CLYBL: variants seen among roughly 807,000 people sequenced by gnomAD.
The protein encoded by CLYBL is citramalyl-CoA lyase, also known as citramalyl-CoA lyase, mitochondrial.
A neutral mutation model predicts 38.9 loss-of-function variants in CLYBL; 31 were observed. The ratio of observed to expected loss-of-function variants is 0.80; its 90% CI spans 0.60 to 1.08. CLYBL has a LOEUF of 1.08. Ranked by LOEUF, CLYBL falls within the 50% of genes least tolerant of loss-of-function variation. CLYBL has a pLI of 0.00. For synonymous variants in CLYBL, 171 were observed against 158.6 expected (o/e 1.08, Z -0.59); for missense variants, 434 against 411.6 (o/e 1.05, Z -0.47).
At chr13:99,607,659 A>G (rs2046549387) in intron 1 of CLYBL, among the ~76,000 whole-genome samples, 1 of 152,246 alleles carries the variant, frequency 6.6e-6, no homozygotes. Context: ...AGAAAGGTTA[A>G]GGATTCTCAA....
At chr13:99,717,267 A>T (rs1286065751) in intron 1 of CLYBL, among the ~76,000 whole-genome samples, 9 of 151,144 alleles carry the variant, frequency 6.0e-5, no homozygotes, top group Non-Finnish European at 5.9e-5. Context: ...CTCTACTAAA[A>T]ATTCAAAAAT....
chr13:99,747,499 G>C (rs2048874659), intron 1 of CLYBL, among the ~76,000 whole-genome samples: 1 of 152,070 alleles, frequency 6.6e-6, no homozygotes, highest in South Asian at 2.1e-4. Context: ...GCTGTGAGGT[G>C]GAGCCACTCC....
chr13:99,844,512 G>A (rs1484511479), intron 2 of CLYBL, among the ~76,000 whole-genome samples: 1 of 152,222 alleles, frequency 6.6e-6, no homozygotes, highest in East Asian at 1.9e-4. Flanking sequence ...GGTCCTCTCT[G>A]TTAGCTGCCT....
chr13:99,636,920 G>T (rs1204470665), intron 1 of CLYBL, among the ~76,000 whole-genome samples: 1 of 152,084 alleles, frequency 6.6e-6, no homozygotes, highest in African/African-American at 2.4e-5. Flanking sequence ...TCTCGCCCAG[G>T]TCGGAGTGCA....
intron 7 of CLYBL, among the ~76,000 whole-genome samples, chr13:99,878,568 C>T (rs553823364): frequency 6.6e-6 from 1 of 152,210 alleles, no homozygotes; most frequent in South Asian, 2.1e-4. Context: ...GTGATAGTAG[C>T]GGAACTCTAC....
At position 99,673,412 on chromosome 13, in the gene CLYBL, CA is replaced by C. The variant is rs34517548; in HGVS notation, c.62+66668del. ...TGGGCGACAGAGCGAGACTCCGTCTCAAAAAAAAAAAAAGAAATGGTGCGAC... is the reference window on the plus strand; with the variant it reads ...TGGGCGACAGAGCGAGACTCCGTCTCAAAAAAAAAAAAGAAATGGTGCGAC... On this transcript the variant is annotated intron_variant, in intron 1 of 8. Transcript: ENST00000339105. Among the ~76,000 whole-genome samples the C allele has an allele frequency of 7.3e-3, 1,035 of 142,624 alleles. 9 individuals carry two copies. The highest frequency in any genetic ancestry group is 0.018 in the Middle Eastern group (5 of 278). The allele number at this position is 142,624 out of a possible 152,430, so 93.6% of individuals were successfully genotyped here. A position where few individuals can be genotyped will look rare whatever the true frequency, so the allele number is the denominator to read the frequency against.
intron 1 of CLYBL, among the ~76,000 whole-genome samples, chr13:99,770,317 TTTTG>T (rs932048340): frequency 6.6e-5 from 10 of 151,678 alleles, no homozygotes; most frequent in African/African-American, 2.2e-4. Context: ...CGAACTCTTT[TTTTG>T]TTTGTTTGTT....
intron 2 of CLYBL, among the ~76,000 whole-genome samples, chr13:99,851,511 C>T (rs1042052212): frequency 2.6e-5 from 4 of 151,380 alleles, no homozygotes; most frequent in South Asian, 2.1e-4. Context: ...CATTTTTTAA[C>T]GGGCTAAGGA....
chr13:99,875,335 G>C (rs2052010091), intron 7 of CLYBL, among the ~76,000 whole-genome samples: 1 of 152,022 alleles, frequency 6.6e-6, no homozygotes, highest in African/African-American at 2.4e-5. Context: ...TCTTAATAAA[G>C]AAAGAAAAAG....
intron 8 of CLYBL, among the ~76,000 whole-genome samples, chr13:99,903,134 A>G (rs2052659380): frequency 6.6e-6 from 1 of 152,238 alleles, no homozygotes; most frequent in South Asian, 2.1e-4. Flanking sequence ...CCTCGATTTC[A>G]TAACAAGAAA....
At chr13:99,629,586 TG>T (rs1707530658) in intron 1 of CLYBL, among the ~76,000 whole-genome samples, 1 of 152,194 alleles carries the variant, frequency 6.6e-6, no homozygotes, top group African/African-American at 2.4e-5. Flanking sequence ...CTTGTCTCTT[TG>T]GCCACTAGGA....
At chr13:99,630,304 C>A (rs1402986646) in intron 1 of CLYBL, among the ~76,000 whole-genome samples, 1 of 152,130 alleles carries the variant, frequency 6.6e-6, no homozygotes, top group Non-Finnish European at 1.5e-5. Flanking sequence ...AAAAAAAATC[C>A]TCTTTTCTGT....
At chr13:99,887,694 A>C (rs1049214456) in intron 7 of CLYBL, among the ~76,000 whole-genome samples, 6 of 152,190 alleles carry the variant, frequency 3.9e-5, no homozygotes, top group Non-Finnish European at 7.3e-5. Flanking sequence ...TCGAGGCTGC[A>C]GTAAGCCGTG....
chr13:99,689,463 G>A lies in CLYBL; in HGVS notation c.62+82706G>A, dbSNP rs188722827. The stretch of plus-strand genomic sequence containing the variant: ...ATTACTTAGTGCAGGTATGCTTAAA[G>A]GAAGAAAAAGGCAAGAGAAAAGTGA... On this transcript the variant is annotated intron_variant, in intron 1 of 8. Coordinates refer to ENST00000339105, the MANE Select transcript of CLYBL (RefSeq NM_206808.5). 3.9e-5 allele frequency among the ~76,000 whole-genome samples: 6 copies of A among 152,260 alleles called. No homozygotes were observed. In the East Asian group the frequency reaches 9.7e-4, roughly 24 times the overall value.
chr13:99,703,133 T>C (rs967049356), intron 1 of CLYBL, among the ~76,000 whole-genome samples: 2 of 152,224 alleles, frequency 1.3e-5, no homozygotes, highest in African/African-American at 2.4e-5. Flanking sequence ...GTATTTATTC[T>C]TTTATGTTGT....
At chr13:99,752,083 G>T (rs1200630826) in intron 1 of CLYBL, among the ~76,000 whole-genome samples, 5 of 152,172 alleles carry the variant, frequency 3.3e-5, no homozygotes, top group African/African-American at 4.8e-5. Flanking sequence ...GGCGTAGACA[G>T]TGCAGAGGGC....
At position 99,606,746 on chromosome 13, in the gene CLYBL, G is replaced by T. The variant is rs751101074; in HGVS notation, c.51G>T (p.Ala17=). ...CGGCGCGCGGAGCTGCGGCGGCGGCGCTGCTGAGGCTGTGAGTGCAGGTCC... is the reference window on the plus strand; with the variant it reads ...CGGCGCGCGGAGCTGCGGCGGCGGCTCTGCTGAGGCTGTGAGTGCAGGTCC... ...RRAARGAAAA[A]LLRLKASLAA... The change falls in exon 1 of 9, where the codon GCG becomes GCT. Residue 17 remains alanine, a synonymous_variant. Coordinates refer to ENST00000339105, the MANE Select transcript of CLYBL (RefSeq NM_206808.5). 44 of 1,482,860 alleles carry T rather than the reference G, an allele frequency of 3.0e-5. No homozygotes were observed. The African/African-American group carries it at 5.3e-4, about 18-fold the overall frequency. 91.9% of individuals were successfully genotyped at this position (1,482,860 alleles called of 1,614,324 possible). A position where few individuals can be genotyped will look rare whatever the true frequency, so the allele number is the denominator to read the frequency against.
At chr13:99,734,271 G>T (rs1003613507) in intron 1 of CLYBL, among the ~76,000 whole-genome samples, 1 of 151,962 alleles carries the variant, frequency 6.6e-6, no homozygotes, top group Non-Finnish European at 1.5e-5. Context: ...GGGTTTCTGG[G>T]TTTTGTATTT....
At chr13:99,810,472 C>T (rs928943589) in intron 2 of CLYBL, among the ~76,000 whole-genome samples, 9 of 151,966 alleles carry the variant, frequency 5.9e-5, no homozygotes, top group Non-Finnish European at 4.4e-5. Flanking sequence ...ATGCCAAAGC[C>T]GAGGGGTGAC....
Sources: allele counts gnomAD v4.1 joint callset (sites outside exome capture counted in the v4.1 genomes callset), GRCh38; gene constraint gnomAD v4.1.1; transcripts MANE v1.5; gene names NCBI Gene and HGNC (gene_info 2026-07-23, HGNC 2026-07-21).